ITPR2: variants seen among roughly 807,000 people sequenced by gnomAD.
ITPR2 encodes the protein inositol 1,4,5-trisphosphate-gated calcium channel ITPR2.
Under a neutral mutation model 317.1 loss-of-function variants are expected in ITPR2, and 207 were observed. The observed-to-expected ratio is 0.65, with a 90% confidence interval of 0.58 to 0.73. ITPR2 has a LOEUF of 0.73. Among genes scored for constraint, ITPR2 ranks in the 30% least tolerant of loss-of-function variants. The probability of loss-of-function intolerance (pLI) is 0.00; values close to 1 mark genes in which losing one functional copy is unlikely to be tolerated. For missense variants in ITPR2, 2,613 were observed against 3,284.0 expected (o/e 0.80, Z 4.99); for synonymous variants, 1,156 against 1,149.1 (o/e 1.01, Z -0.12).
intron 55 of ITPR2, chr12:26,373,686 C>T (rs1416134680): frequency 6.6e-6 from 1 of 152,220 alleles, no homozygotes; most frequent in Non-Finnish European, 1.5e-5. Context: ...TGCTTAGCTT[C>T]TGAGATCAGA....
chr12:26,567,990 A>AT lies in ITPR2; in HGVS notation c.4631-6039dup, dbSNP rs1481583885. ...TATATTATATATATTATATATATAT[A>AT]TATATATTATATATATTATATATAT... On this transcript the variant is annotated intron_variant, in intron 34 of 56. Coordinates refer to ENST00000381340, the MANE Select transcript of ITPR2 (RefSeq NM_002223.4). 4.1e-4 allele frequency among the ~76,000 whole-genome samples: 3 copies of AT among 7,302 alleles called. 1 individual carries two copies. The highest frequency in any genetic ancestry group is 2.0e-3 in the Non-Finnish European group (1 of 494). The allele number at this position is 7,302 out of a possible 152,430, so 4.8% of individuals were successfully genotyped here.
At chr12:26,617,286 T>C (rs1946392524) in intron 26 of ITPR2, among the ~76,000 whole-genome samples, 1 of 152,162 alleles carries the variant, frequency 6.6e-6, no homozygotes, top group Non-Finnish European at 1.5e-5. Flanking sequence ...ATTTAAAAGA[T>C]AGCAAAAGAA....
rs927020788 is a variant in ITPR2 at position 26,416,407 on chromosome 12, T to G, written c.7111-909A>C. ...GTATAAATATCTGTTTGGAAATGAA[T>G]AGTATTTTTAAAATTGGAATAATTG... On this transcript the variant is annotated intron_variant, in intron 50 of 56. Coordinates refer to ENST00000381340, the MANE Select transcript of ITPR2 (RefSeq NM_002223.4). Among the ~76,000 whole-genome samples the G allele has an allele frequency of 9.9e-5, 15 of 152,176 alleles. 1 individual carries two copies. The highest frequency in any genetic ancestry group is 6.6e-4 in the Admixed American group (10 of 15,266).
chr12:26,732,603 T>C (rs1949045012), intron 2 of ITPR2, among the ~76,000 whole-genome samples: 2 of 152,190 alleles, frequency 1.3e-5, no homozygotes, highest in Non-Finnish European at 2.9e-5. Flanking sequence ...CCAGGGTTAT[T>C]TTCTCCATGT....
intron 10 of ITPR2, among the ~76,000 whole-genome samples, chr12:26,692,071 T>G (rs953105006): frequency 1.3e-5 from 2 of 152,134 alleles, no homozygotes; most frequent in Non-Finnish European, 2.9e-5. Flanking sequence ...GGGGTCAGAA[T>G]CTGGTACTCA....
chr12:26,604,798 TA>T (rs1249821606), intron 26 of ITPR2, among the ~76,000 whole-genome samples: 1 of 152,130 alleles, frequency 6.6e-6, no homozygotes, highest in Non-Finnish European at 1.5e-5. Flanking sequence ...AAGTGAATCT[TA>T]AAAATTATAG....
intron 54 of ITPR2, among the ~76,000 whole-genome samples, chr12:26,393,351 G>A (rs1226347118): frequency 6.6e-6 from 1 of 152,100 alleles, no homozygotes; most frequent in Non-Finnish European, 1.5e-5. Flanking sequence ...TTGTAACTAA[G>A]TTCTCCTAAC....
chr12:26,507,948 A>G (rs2136907564), intron 37 of ITPR2, among the ~76,000 whole-genome samples: 1 of 151,796 alleles, frequency 6.6e-6, no homozygotes, highest in African/African-American at 2.4e-5. Flanking sequence ...GTACTCATGG[A>G]TATTGATGCA....
chr12:26,484,529 C>T lies in ITPR2; in HGVS notation c.5812-631G>A, dbSNP rs769186098. Among the ~76,000 whole-genome samples, 15 of 152,192 alleles carry T rather than the reference C, an allele frequency of 9.9e-5. No homozygotes were observed. In the South Asian group the frequency reaches 1.0e-3, roughly 11 times the overall value. Reference sequence around the variant, plus strand: ...TGCTTGTTATACGAACACCAGAAACCATATCATATGTATGGTAATGTGACT... The same window carrying T: ...TGCTTGTTATACGAACACCAGAAACTATATCATATGTATGGTAATGTGACT... On this transcript the variant is annotated intron_variant, in intron 41 of 56. Coordinates refer to ENST00000381340, the MANE Select transcript of ITPR2 (RefSeq NM_002223.4).
intron 1 of ITPR2, among the ~76,000 whole-genome samples, chr12:26,828,385 T>C (rs1951041019): frequency 6.6e-6 from 1 of 152,206 alleles, no homozygotes; most frequent in Admixed American, 6.5e-5. Context: ...TACATGTACC[T>C]AGATAAGATT....
intron 39 of ITPR2, 120 bp from the exon 40 acceptor site, chr12:26,487,371 A>G (rs1472945541): frequency 4.7e-6 from 3 of 633,594 alleles, no homozygotes; most frequent in Non-Finnish European, 7.9e-6. Flanking sequence ...ACCCATTACT[A>G]TTTCATAAAT....
At chr12:26,418,632 C>T (rs1174835616) in intron 50 of ITPR2, among the ~76,000 whole-genome samples, 2 of 151,906 alleles carry the variant, frequency 1.3e-5, no homozygotes, top group Non-Finnish European at 2.9e-5. Flanking sequence ...TACTTATATG[C>T]TATTCTAAAG....
intron 2 of ITPR2, among the ~76,000 whole-genome samples, chr12:26,744,390 TC>T (rs1324073795): frequency 3.3e-5 from 5 of 152,210 alleles, no homozygotes; most frequent in African/African-American, 1.2e-4. Flanking sequence ...CTCTGCCTGT[TC>T]CCCAAGATTT....
intron 32 of ITPR2, among the ~76,000 whole-genome samples, chr12:26,580,576 T>A (rs938855534): frequency 1.3e-5 from 2 of 152,110 alleles, no homozygotes; most frequent in Admixed American, 6.6e-5. Flanking sequence ...ACATTTTCAC[T>A]CCCAACCCTC....
intron 39 of ITPR2, among the ~76,000 whole-genome samples, chr12:26,489,143 T>TTA (rs1406797547): frequency 6.6e-6 from 1 of 152,162 alleles, no homozygotes; most frequent in Non-Finnish European, 1.5e-5. Context: ...TCATATATAT[T>TTA]TATATAATCT....
intron 37 of ITPR2, among the ~76,000 whole-genome samples, chr12:26,504,966 A>G (rs1464389031): frequency 2.0e-5 from 3 of 152,174 alleles, no homozygotes; most frequent in African/African-American, 7.2e-5. Context: ...AGGGAAAAAA[A>G]GGGAAGTCCT....
At chr12:26,458,201 C>CA (rs1565537885) in intron 45 of ITPR2, among the ~76,000 whole-genome samples, 1 of 152,138 alleles carries the variant, frequency 6.6e-6, no homozygotes, top group East Asian at 1.9e-4. Context: ...AAGATGGCAG[C>CA]AGGAAGAAAC....
At chr12:26,370,051 A>G (rs961839656) in intron 55 of ITPR2, among the ~76,000 whole-genome samples, 2 of 152,138 alleles carry the variant, frequency 1.3e-5, no homozygotes, top group African/African-American at 4.8e-5. Context: ...ATCTTGCCCC[A>G]TGTGTCTCTT....
At chr12:26,637,863 C>T (rs762281974) in intron 21 of ITPR2, among the ~76,000 whole-genome samples, 6 of 152,048 alleles carry the variant, frequency 3.9e-5, no homozygotes, top group Non-Finnish European at 7.4e-5. Context: ...ATAAAGAATA[C>T]TTAATGGAAG....
Sources: allele counts gnomAD v4.1 joint callset (sites outside exome capture counted in the v4.1 genomes callset), GRCh38; gene constraint gnomAD v4.1.1; transcripts MANE v1.5; gene names NCBI Gene and HGNC (gene_info 2026-07-23, HGNC 2026-07-21).